SSBP2: variants seen among roughly 807,000 people sequenced by gnomAD.
SSBP2 encodes single-stranded DNA-binding protein 2.
A neutral mutation model predicts 61.8 loss-of-function variants in SSBP2; 17 were observed. That is an observed-to-expected ratio of 0.28 (90% CI 0.19 to 0.41). The LOEUF is 0.41. SSBP2 is among the 10% of genes least tolerant of loss of function. SSBP2 has a pLI of 1.00. For synonymous variants in SSBP2, 139 were observed against 141.3 expected, an observed-to-expected ratio of 0.98 and a Z score of 0.12; for missense variants, 310 against 458.7, an observed-to-expected ratio of 0.68 and a Z score of 2.96.
chr5:81,586,455 T>C (rs1207627957), intron 4 of SSBP2, among the ~76,000 whole-genome samples: 3 of 152,140 alleles, frequency 2.0e-5, no homozygotes, highest in African/African-American at 7.2e-5. Flanking sequence ...ATAAATTATT[T>C]CATAATATTA....
At chr5:81,514,464 T>C (rs115488059) in intron 4 of SSBP2, among the ~76,000 whole-genome samples, 4 of 152,200 alleles carry the variant, frequency 2.6e-5, no homozygotes, top group Admixed American at 6.5e-5. Flanking sequence ...AAAATCAACA[T>C]TATAGATTTA....
At chr5:81,599,384 T>C (rs911408683) in intron 4 of SSBP2, among the ~76,000 whole-genome samples, 1 of 152,240 alleles carries the variant, frequency 6.6e-6, no homozygotes, top group African/African-American at 2.4e-5. Flanking sequence ...GCAATATTTT[T>C]AGCCCAAGGG....
chr5:81,475,905 C>T (rs192121982), intron 6 of SSBP2, among the ~76,000 whole-genome samples: 37 of 152,062 alleles, frequency 2.4e-4, no homozygotes, highest in African/African-American at 6.5e-4. Flanking sequence ...TGTGTGTATA[C>T]ACATACACAC....
intron 14 of SSBP2, among the ~76,000 whole-genome samples, chr5:81,439,261 C>T (rs1405134118): frequency 6.6e-6 from 1 of 152,020 alleles, no homozygotes; most frequent in Non-Finnish European, 1.5e-5. Flanking sequence ...CTCCCATCCC[C>T]ATTGTCAACT....
intron 9 of SSBP2, among the ~76,000 whole-genome samples, chr5:81,464,227 G>A (rs1470520343): frequency 1.3e-5 from 2 of 152,080 alleles, no homozygotes; most frequent in Non-Finnish European, 1.5e-5. Context: ...ACAAAGTTGA[G>A]TTAGGGGTGC....
chr5:81,490,392 G>T (rs569735205), intron 5 of SSBP2, among the ~76,000 whole-genome samples: 1 of 151,828 alleles, frequency 6.6e-6, no homozygotes, highest in South Asian at 2.1e-4. Context: ...TTATAATTTT[G>T]TTTAATTACA....
intron 3 of SSBP2, among the ~76,000 whole-genome samples, chr5:81,620,404 G>T (rs1413698683): frequency 6.6e-6 from 1 of 151,428 alleles, no homozygotes; most frequent in Non-Finnish European, 1.5e-5. Context: ...CAAGGGATGT[G>T]AAGGACCTCT....
intron 4 of SSBP2, among the ~76,000 whole-genome samples, chr5:81,563,369 C>T (rs1250395154): frequency 6.6e-6 from 1 of 151,926 alleles, no homozygotes; most frequent in African/African-American, 2.4e-5. Context: ...CAAAGCAGAC[C>T]ATAGAACAAA....
intron 1 of SSBP2, among the ~76,000 whole-genome samples, chr5:81,656,164 A>C (rs1485688621): frequency 2.0e-5 from 3 of 151,928 alleles, no homozygotes; most frequent in Non-Finnish European, 2.9e-5. Flanking sequence ...TGAATCACCT[A>C]CCTCAGCCTC....
chr5:81,719,658 G>A lies in SSBP2; in HGVS notation c.62+31323C>T, dbSNP rs114794980. ...CCTTGGGAAGAAGAGTTTATTACTC[G>A]CAGTTCTAGGAGGAGGAGGCATGCC... On this transcript the variant is annotated intron_variant, in intron 1 of 16. Coordinates refer to ENST00000320672, the MANE Select transcript of SSBP2 (RefSeq NM_012446.5). Among the ~76,000 whole-genome samples the A allele has an allele frequency of 6.8e-3, 1,040 of 152,194 alleles. 18 individuals are homozygous for A. The highest frequency in any genetic ancestry group is 0.023 in the African/African-American group (968 of 41,512).
chr5:81,641,926 G>GA lies in SSBP2; in HGVS notation c.136-5309dup, dbSNP rs1255385645. Among the ~76,000 whole-genome samples the GA allele has an allele frequency of 2.3e-3, 332 of 146,950 alleles. 1 individual carries two copies. The highest frequency in any genetic ancestry group is 7.6e-3 in the African/African-American group (304 of 40,224). On this transcript the variant is annotated intron_variant, in intron 2 of 16. Transcript: ENST00000320672. Reference sequence around the variant, plus strand: ...GTATAGCATAAAACCTTTCTGCTTGGAAAAAAAAAAGTATGTATACATACA... The same window carrying GA: ...GTATAGCATAAAACCTTTCTGCTTGGAAAAAAAAAAAGTATGTATACATACA...
At chr5:81,674,873 A>T (rs1480553950) in intron 1 of SSBP2, among the ~76,000 whole-genome samples, 1 of 152,202 alleles carries the variant, frequency 6.6e-6, no homozygotes. Flanking sequence ...TATAGACTGT[A>T]AGTAAAATAT....
At position 81,494,860 on chromosome 5, in the gene SSBP2, C is replaced by T. The variant is rs1767167762; in HGVS notation, c.373-5551G>A. Among the ~76,000 whole-genome samples the T allele has an allele frequency of 9.2e-5, 14 of 152,090 alleles. No individual in the cohort carries two copies. The South Asian group carries it at 2.9e-3, about 32-fold the overall frequency. On this transcript the variant is annotated intron_variant, in intron 5 of 16. Coordinates refer to ENST00000320672, the MANE Select transcript of SSBP2 (RefSeq NM_012446.5). ...CTAATAGAAACGCAAACCAAATGTT[C>T]ACCTCATTTTCTCCAAGTAGTCTTT...
chr5:81,606,247 T>G (rs373374907), intron 4 of SSBP2, among the ~76,000 whole-genome samples: 1 of 151,986 alleles, frequency 6.6e-6, no homozygotes, highest in Non-Finnish European at 1.5e-5. Context: ...CTCTCAAAGG[T>G]AGAATTAGTC....
rs1761414083 is a variant in SSBP2 at position 81,418,470 on chromosome 5, A to T, written c.*2034T>A. 6.6e-6 allele frequency: 1 copy of T among 152,208 alleles called. No individual in the cohort carries two copies. The highest frequency in any genetic ancestry group is 2.4e-5 in the African/African-American group (1 of 41,458). The allele number at this position is 152,208 out of a possible 1,614,324, so 9.4% of individuals were successfully genotyped here. A position where few individuals can be genotyped will look rare whatever the true frequency, so the allele number is the denominator to read the frequency against. On this transcript the variant is annotated 3_prime_UTR_variant, in exon 17 of 17. Transcript: ENST00000320672. ...AAATCTTTATTTTTACAAGGACTAA[A>T]TCATTATGAATTTGAGAGAAGTAAG...
At chr5:81,430,221 AT>A (rs1324871122) in intron 15 of SSBP2, among the ~76,000 whole-genome samples, 2 of 152,188 alleles carry the variant, frequency 1.3e-5, no homozygotes, top group Non-Finnish European at 2.9e-5. Context: ...TTTATAAAAA[AT>A]ATTGTAAGAT....
intron 2 of SSBP2, among the ~76,000 whole-genome samples, 162 bp from the exon 3 acceptor site, chr5:81,636,780 G>T (rs1018896716): frequency 8.5e-5 from 13 of 152,138 alleles, no homozygotes; most frequent in African/African-American, 3.1e-4. Flanking sequence ...TTTTACAAGT[G>T]ATTTGTTGAC....
chr5:81,623,327 A>G (rs1971177), intron 3 of SSBP2, among the ~76,000 whole-genome samples: 25,740 of 144,984 alleles, frequency 0.18, 2,374 homozygotes, highest in Non-Finnish European at 0.21. Flanking sequence ...ATTCCATTGT[A>G]GTACTTTTTT....
intron 1 of SSBP2, among the ~76,000 whole-genome samples, chr5:81,672,584 T>C (rs956177387): frequency 2.6e-5 from 4 of 151,690 alleles, no homozygotes; most frequent in African/African-American, 9.7e-5. Flanking sequence ...TTTTTTTTTT[T>C]TTTTGAGATG....
Sources: gnomAD v4.1 joint callset for allele counts (sites outside exome capture counted in the v4.1 genomes callset) on GRCh38, gnomAD v4.1.1 for gene constraint, MANE v1.5 for transcripts, NCBI Gene and HGNC (gene_info 2026-07-23, HGNC 2026-07-21) for gene names.